The following SPMIP4 variants were observed in gnomAD, a reference collection of about 807,000 sequenced individuals.
SPMIP4 encodes the protein sperm microtubule inner protein 4, also known as sperm-associated microtubule inner protein 4.
chr7:25,175,765 T>G, the SPMIP4 span, among the ~76,000 whole-genome samples: 11 of 152,168 alleles, frequency 7.2e-5, no homozygotes, highest in African/African-American at 2.7e-4. Flanking sequence ...TGATTCAAAT[T>G]GGGAGCCACG....
the SPMIP4 span, chr7:25,158,566 T>C: frequency 1.8e-4 from 277 of 1,575,390 alleles, no homozygotes; most frequent in Admixed American, 6.0e-4. Flanking sequence ...CTAACTTATA[T>C]TGAGGGCTTT....
At chr7:25,179,395 A>T in the SPMIP4 span, 1 of 1,465,188 alleles carries the variant, frequency 6.8e-7, no homozygotes, top group Non-Finnish European at 9.3e-7. Flanking sequence ...AACACATTTT[A>T]CACTGCTAAA....
At chr7:25,165,733 G>C in the SPMIP4 span, among the ~76,000 whole-genome samples, 2 of 152,234 alleles carry the variant, frequency 1.3e-5, no homozygotes, top group East Asian at 1.9e-4. Context: ...TGCAGATTCT[G>C]TTTCAGTAAA....
the SPMIP4 span, chr7:25,142,125 TA>T: frequency 1.5e-6 from 1 of 672,340 alleles, no homozygotes; most frequent in Non-Finnish European, 2.6e-6. Flanking sequence ...CTAAAATAAG[TA>T]AAAATTTCCA....
At chr7:25,161,277 GATTAA>G in the SPMIP4 span, 2 of 1,375,964 alleles carry the variant, frequency 1.5e-6, no homozygotes, top group Non-Finnish European at 2.0e-6. Context: ...AGAAAGAAAA[GATTAA>G]ATTAAACATG....
At chr7:25,175,732 T>A in the SPMIP4 span, among the ~76,000 whole-genome samples, 1 of 152,216 alleles carries the variant, frequency 6.6e-6, no homozygotes, top group African/African-American at 2.4e-5. Context: ...TGTATTGTTT[T>A]ATTTTGCTGT....
the SPMIP4 span, among the ~76,000 whole-genome samples, chr7:25,126,791 C>T: frequency 1.3e-5 from 2 of 152,182 alleles, no homozygotes; most frequent in African/African-American, 4.8e-5. Flanking sequence ...TTTGTACCTT[C>T]AGGTGGTTTC....
chr7:25,171,560 A>C, the SPMIP4 span, among the ~76,000 whole-genome samples: 3 of 152,176 alleles, frequency 2.0e-5, no homozygotes, highest in East Asian at 3.8e-4. Context: ...TTCCCACTGA[A>C]AACAACTAAA....
chr7:25,150,976 A>C, the SPMIP4 span, among the ~76,000 whole-genome samples: 1 of 152,164 alleles, frequency 6.6e-6, no homozygotes, highest in Non-Finnish European at 1.5e-5. Flanking sequence ...GAAATCTCCC[A>C]TTTACTCTCT....
the SPMIP4 span, chr7:25,155,272 ATTGGGACCC>A: frequency 7.7e-7 from 1 of 1,298,504 alleles, no homozygotes; most frequent in Non-Finnish European, 1.0e-6. Flanking sequence ...TCAAAAATTT[ATTGGGACCC>A]TTTTTTAAAT....
At chr7:25,171,316 G>GC in the SPMIP4 span, among the ~76,000 whole-genome samples, 2 of 152,172 alleles carry the variant, frequency 1.3e-5, no homozygotes, top group Non-Finnish European at 2.9e-5. Context: ...TTACCCCAGT[G>GC]CCTGGCACAC....
the SPMIP4 span, chr7:25,134,711 C>A: frequency 2.0e-6 from 2 of 985,430 alleles, no homozygotes; most frequent in Non-Finnish European, 2.4e-6. Context: ...TGGAGAGTTA[C>A]ACCTTCCAAA....
At chr7:25,162,665 C>T in the SPMIP4 span, among the ~76,000 whole-genome samples, 2 of 152,130 alleles carry the variant, frequency 1.3e-5, no homozygotes, top group Non-Finnish European at 2.9e-5. Context: ...GAAATGAATA[C>T]TTTTAGACAC....
chr7:25,134,403 C>G, the SPMIP4 span, among the ~76,000 whole-genome samples: 1 of 148,864 alleles, frequency 6.7e-6, no homozygotes, highest in East Asian at 2.0e-4. Context: ...AAAAATTGAG[C>G]TTTTTGATGA....
the SPMIP4 span, among the ~76,000 whole-genome samples, chr7:25,157,687 G>C: frequency 6.6e-6 from 1 of 152,144 alleles, no homozygotes; most frequent in Non-Finnish European, 1.5e-5. Flanking sequence ...AGGGAAGTCT[G>C]AGAAACTGTC....
the SPMIP4 span, among the ~76,000 whole-genome samples, chr7:25,176,998 G>A: frequency 6.6e-6 from 1 of 152,238 alleles, no homozygotes; most frequent in South Asian, 2.1e-4. This position sits in a 1 kb window ranked among gnomAD's most constrained non-coding sequence, Gnocchi z 4.4. Context: ...TTCAGATCTT[G>A]AAGGGCTGCT....
At chr7:25,125,985 ATAAAAT>A in the SPMIP4 span, 19 of 984,144 alleles carry the variant, frequency 1.9e-5, no homozygotes, top group East Asian at 1.1e-4. Context: ...GAACTGAAAA[ATAAAAT>A]TAAGAGGATG....
the SPMIP4 span, among the ~76,000 whole-genome samples, chr7:25,150,274 G>A: frequency 1.3e-5 from 2 of 152,186 alleles, no homozygotes; most frequent in South Asian, 4.1e-4. Flanking sequence ...TTGGCTATAA[G>A]AACATGTAAT....
chr7:25,158,868 AT>A, the SPMIP4 span, among the ~76,000 whole-genome samples: 12 of 149,828 alleles, frequency 8.0e-5, no homozygotes, highest in Admixed American at 2.0e-4. Flanking sequence ...AAAAAAAAAA[AT>A]AATAATAATG....
Sources: gnomAD v4.1 joint callset for allele counts (sites outside exome capture counted in the v4.1 genomes callset) on GRCh38, gnomAD v4.1.1 for gene constraint, Gnocchi (gnomAD v3.1) non-coding constraint, MANE v1.5 for transcripts, NCBI Gene and HGNC (gene_info 2026-07-23, HGNC 2026-07-21) for gene names.